ADK: variants seen among roughly 807,000 people sequenced by gnomAD.
ADK encodes the protein N6,N6-dimethyladenosine kinase.
In ADK, 24 loss-of-function variants were observed where a neutral mutation model predicts 44.7. The ratio of observed to expected loss-of-function variants is 0.54; its 90% CI spans 0.39 to 0.76. The LOEUF is 0.76. Ranked by LOEUF, ADK falls within the 30% of genes least tolerant of loss-of-function variation. The pLI is 0.00. For missense variants in ADK, 321 were observed against 425.1 expected (o/e 0.76, Z 2.15); for synonymous variants, 128 against 142.6 (o/e 0.90, Z 0.73).
At chr10:74,494,379 A>G (rs915886619) in intron 6 of ADK, among the ~76,000 whole-genome samples, 1 of 152,154 alleles carries the variant, frequency 6.6e-6, no homozygotes. Flanking sequence ...TTGATAAATC[A>G]GTTTTCAGCA....
intron 9 of ADK, among the ~76,000 whole-genome samples, chr10:74,654,042 T>C (rs1287182031): frequency 5.9e-5 from 9 of 152,004 alleles, no homozygotes; most frequent in African/African-American, 2.2e-4. Flanking sequence ...ATGCAGTTTT[T>C]TCTTTTGTAA....
intron 3 of ADK, among the ~76,000 whole-genome samples, chr10:74,272,833 T>C (rs551742651): frequency 3.9e-5 from 6 of 152,298 alleles, no homozygotes; most frequent in Admixed American, 2.0e-4. Flanking sequence ...TTCCTGTTGC[T>C]CTGAGTGGGG....
In ADK at chr10:74,431,556, C is replaced by T. The variant is rs114464621; in HGVS notation, c.555+32977C>T. On this transcript the variant is annotated intron_variant, in intron 6 of 10. Transcript: ENST00000539909. The stretch of plus-strand genomic sequence containing the variant: ...AGGAGTTTGAGACCAGCATGCCCAA[C>T]ATGGTGAAATCTTATCTCCACTAAA... 4.9e-3 allele frequency among the ~76,000 whole-genome samples: 747 copies of T among 152,190 alleles called. 5 individuals are homozygous for T. Among genetic ancestry groups the T allele is most frequent in the African/African-American group, 0.017 (701 of 41,548 alleles).
At chr10:74,562,453 G>C (rs778480586) in intron 7 of ADK, among the ~76,000 whole-genome samples, 1 of 152,264 alleles carries the variant, frequency 6.6e-6, no homozygotes. Flanking sequence ...AGTATATTGG[G>C]ATGGGTGCAA....
At chr10:74,526,315 C>T (rs542995593) in intron 7 of ADK, among the ~76,000 whole-genome samples, 14 of 152,140 alleles carry the variant, frequency 9.2e-5, no homozygotes, top group African/African-American at 3.4e-4. Context: ...TATGGAAATG[C>T]TTATTTACTT....
At chr10:74,339,021 T>C (rs1841500293) in intron 4 of ADK, among the ~76,000 whole-genome samples, 1 of 152,208 alleles carries the variant, frequency 6.6e-6, no homozygotes. Flanking sequence ...GGCACAATCA[T>C]AGCTCACTGT....
At chr10:74,280,341 A>T (rs1846881305) in intron 3 of ADK, among the ~76,000 whole-genome samples, 1 of 151,452 alleles carries the variant, frequency 6.6e-6, no homozygotes, top group African/African-American at 2.4e-5. Flanking sequence ...TGACCTTGTG[A>T]TCTACCCGCC....
chr10:74,395,976 G>T (rs961925169), intron 5 of ADK, among the ~76,000 whole-genome samples: 2 of 152,186 alleles, frequency 1.3e-5, no homozygotes, highest in South Asian at 4.1e-4. Context: ...GTGCTATTGC[G>T]CTCCAGCCTG....
chr10:74,355,066 C>G lies in ADK; in HGVS notation c.274-39075C>G, dbSNP rs373449494. Reference sequence around the variant, plus strand: ...TTTTAAAGACAGGGTCTTGCTCTGTCTCCTCCTGTCTTGGTCTCCCAATGT... The same window carrying G: ...TTTTAAAGACAGGGTCTTGCTCTGTGTCCTCCTGTCTTGGTCTCCCAATGT... On this transcript the variant is annotated intron_variant, in intron 4 of 10. Coordinates refer to ENST00000539909, the MANE Select transcript of ADK (RefSeq NM_006721.4). Among the ~76,000 whole-genome samples the G allele has an allele frequency of 2.8e-4, 42 of 152,216 alleles. 2 individuals carry two copies. The highest frequency in any genetic ancestry group is 9.9e-4 in the African/African-American group (41 of 41,520).
chr10:74,566,492 A>G (rs901565814), intron 7 of ADK, among the ~76,000 whole-genome samples: 2 of 152,066 alleles, frequency 1.3e-5, no homozygotes, highest in Non-Finnish European at 2.9e-5. Flanking sequence ...GTGAGCCACC[A>G]TACCTGGGCC....
intron 4 of ADK, among the ~76,000 whole-genome samples, chr10:74,356,281 G>A (rs1842146157): frequency 6.6e-6 from 1 of 151,244 alleles, no homozygotes; most frequent in South Asian, 2.1e-4. Context: ...GCCTCCCAAA[G>A]TGCTGGGATT....
intron 3 of ADK, among the ~76,000 whole-genome samples, chr10:74,275,447 C>G (rs1363893182): frequency 6.6e-6 from 1 of 152,016 alleles, no homozygotes; most frequent in East Asian, 1.9e-4. Flanking sequence ...TAGGACAGAT[C>G]TTAAGGTTAA....
chr10:74,151,308 C>G lies in ADK; in HGVS notation c.30C>G (p.Pro10=). 1.3e-6 allele frequency: 2 copies of G among 1,549,572 alleles called. No individual in the cohort carries two copies. The highest frequency in any genetic ancestry group is 1.7e-6 in the Non-Finnish European group (2 of 1,146,802). ...CAGCTGCTGAGGAGGAGCCGAAGCC[C>G]AAAAAGCTGAAGGTGGAGGCGCCGC... MAAAEEEPK[P]KKLKVEAPQA... is the part of the protein sequence containing the mutation. Residue 10 remains proline (P), a synonymous_variant, in exon 1 of 11, where the codon CCC becomes CCG. Coordinates refer to ENST00000539909, the MANE Select transcript of ADK (RefSeq NM_006721.4).
intron 9 of ADK, among the ~76,000 whole-genome samples, chr10:74,664,568 C>A (rs990311881): frequency 1.3e-5 from 2 of 152,174 alleles, no homozygotes; most frequent in African/African-American, 4.8e-5. Context: ...TGTGGCCAGG[C>A]ATGGTGCCTC....
At chr10:74,306,428 C>T (rs1840251025) in intron 3 of ADK, among the ~76,000 whole-genome samples, 1 of 152,158 alleles carries the variant, frequency 6.6e-6, no homozygotes, top group Non-Finnish European at 1.5e-5. Context: ...GCTTTATTTT[C>T]TCAGCTCTGC....
chr10:74,607,293 T>G (rs2133983271), intron 9 of ADK, among the ~76,000 whole-genome samples: 1 of 152,352 alleles, frequency 6.6e-6, no homozygotes, highest in South Asian at 2.1e-4. Context: ...CTGGTTATTT[T>G]GCCCGTTAGT....
intron 7 of ADK, chr10:74,551,465 C>G (rs1564787808): frequency 1.3e-5 from 2 of 152,516 alleles, no homozygotes; most frequent in Admixed American, 6.5e-5. Flanking sequence ...TCCTTCTCCA[C>G]TTCCACTGCT....
At chr10:74,369,037 A>G (rs772198764) in intron 4 of ADK, among the ~76,000 whole-genome samples, 2 of 152,150 alleles carry the variant, frequency 1.3e-5, no homozygotes, top group Non-Finnish European at 2.9e-5. Flanking sequence ...CATTTTACTT[A>G]AGAGTCTACT....
At chr10:74,597,741 C>T (rs981909831) in intron 8 of ADK, among the ~76,000 whole-genome samples, 3 of 152,098 alleles carry the variant, frequency 2.0e-5, no homozygotes, top group Non-Finnish European at 4.4e-5. Context: ...GATGCTAAAC[C>T]TTTATCACTA....
Sources: gnomAD v4.1 joint callset for allele counts (sites outside exome capture counted in the v4.1 genomes callset) on GRCh38, gnomAD v4.1.1 for gene constraint, MANE v1.5 for transcripts, NCBI Gene and HGNC (gene_info 2026-07-23, HGNC 2026-07-21) for gene names.